The following PTPN2 variants were observed in gnomAD, a reference collection of about 807,000 sequenced individuals.
The protein encoded by PTPN2 is protein tyrosine phosphatase non-receptor type 2.
In PTPN2, 19 loss-of-function variants were observed where a neutral mutation model predicts 57.3. That is an observed-to-expected ratio of 0.33 (90% CI 0.23 to 0.49). PTPN2 has a LOEUF of 0.49. Ranked by LOEUF, PTPN2 falls within the 20% of genes least tolerant of loss-of-function variation. The probability of loss-of-function intolerance (pLI) is 0.99; values close to 1 mark genes in which losing one functional copy is unlikely to be tolerated. For missense variants in PTPN2, 358 were observed against 501.1 expected, an observed-to-expected ratio of 0.71 and a Z score of 2.73; for synonymous variants, 153 against 164.9, an observed-to-expected ratio of 0.93 and a Z score of 0.55.
At chr18:12,803,110 T>C (rs2041490953) in intron 7 of PTPN2, among the ~76,000 whole-genome samples, 1 of 152,026 alleles carries the variant, frequency 6.6e-6, no homozygotes, top group Non-Finnish European at 1.5e-5. Flanking sequence ...TTATAAGTTG[T>C]GGGGGGAGGG....
At chr18:12,843,055 G>A (rs1390441204) in intron 2 of PTPN2, among the ~76,000 whole-genome samples, 2 of 152,154 alleles carry the variant, frequency 1.3e-5, no homozygotes, top group African/African-American at 2.4e-5. Flanking sequence ...ATTTTGCGAC[G>A]CAGATGAAAA....
chr18:12,829,589 A>G (rs1296501559), intron 4 of PTPN2, among the ~76,000 whole-genome samples: 2 of 152,080 alleles, frequency 1.3e-5, no homozygotes, highest in African/African-American at 2.4e-5. Context: ...GATCAAAAAT[A>G]AGGAAAATAA....
At chr18:12,849,954 A>C (rs773844042) in intron 2 of PTPN2, among the ~76,000 whole-genome samples, 12 of 151,676 alleles carry the variant, frequency 7.9e-5, no homozygotes, top group Admixed American at 3.3e-4. Context: ...TTATGTGCCC[A>C]CTCTTTCTCC....
chr18:12,805,820 G>A (rs1203481266), intron 7 of PTPN2, among the ~76,000 whole-genome samples: 1 of 152,006 alleles, frequency 6.6e-6, no homozygotes, highest in Non-Finnish European at 1.5e-5. Flanking sequence ...AGTAGAGGCA[G>A]AGTTTCACCA....
At chr18:12,789,789 T>A (rs1057211989), downstream of PTPN2, among the ~76,000 whole-genome samples, 35 of 152,196 alleles carry the variant, frequency 2.3e-4, no homozygotes, top group Admixed American at 3.9e-4. Flanking sequence ...ACTACATTTT[T>A]AAAAAACATA....
In PTPN2 at chr18:12,848,731, A is replaced by T. The variant is rs1340986331; in HGVS notation, c.160+10433T>A. Among the ~76,000 whole-genome samples, 3 of 152,370 alleles carry T rather than the reference A, an allele frequency of 2.0e-5. No individual in the cohort carries two copies. The East Asian group carries it at 5.8e-4, about 29-fold the overall frequency. ...AAAAGACCTTGAGCAAGAATCACCT[A>T]TGTGGGGTTAGTCAACCCCTAGATT... is the stretch of plus-strand genomic sequence containing the variant. On this transcript the variant is annotated intron_variant, in intron 2 of 8. Transcript: ENST00000309660.
chr18:12,874,671 C>T (rs1353075971), intron 1 of PTPN2, among the ~76,000 whole-genome samples: 4 of 149,198 alleles, frequency 2.7e-5, no homozygotes, highest in Admixed American at 6.6e-5. Context: ...CCGCCCCGTC[C>T]GGGAGGGAGG....
chr18:12,855,939 A>G (rs1370136034), intron 2 of PTPN2, among the ~76,000 whole-genome samples: 1 of 152,246 alleles, frequency 6.6e-6, no homozygotes, highest in Non-Finnish European at 1.5e-5. Context: ...CCAACTTCAC[A>G]ATACATGAAA....
chr18:12,819,385 A>G, intron 5 of PTPN2: 1 of 567,454 alleles, frequency 1.8e-6, no homozygotes, highest in Non-Finnish European at 3.0e-6. Flanking sequence ...GAACAAAGCC[A>G]GACTAAAGGC....
At chr18:12,786,083 CTT>C in intron 9 of PTPN2, 1 of 512,668 alleles carries the variant, frequency 2.0e-6, no homozygotes, top group Non-Finnish European at 3.4e-6. Flanking sequence ...AGCATCGTGA[CTT>C]ATATTCTTCT....
At chr18:12,865,764 T>C (rs113975333) in intron 1 of PTPN2, among the ~76,000 whole-genome samples, 7,861 of 151,080 alleles carry the variant, frequency 0.052, 671 homozygotes, top group African/African-American at 0.18. Flanking sequence ...GAGGCGGAGG[T>C]TGCAGTGAGC....
At chr18:12,874,097 A>T (rs2145527007) in intron 1 of PTPN2, among the ~76,000 whole-genome samples, 1 of 148,132 alleles carries the variant, frequency 6.8e-6, no homozygotes, top group Non-Finnish European at 1.5e-5. Context: ...CCCGGCAGCC[A>T]CCCTGTCTGG....
intron 7 of PTPN2, among the ~76,000 whole-genome samples, chr18:12,808,797 A>C (rs1177250851): frequency 6.6e-6 from 1 of 152,244 alleles, no homozygotes; most frequent in Non-Finnish European, 1.5e-5. Flanking sequence ...ACCAACCAAC[A>C]GACAAAAAAA....
intron 7 of PTPN2, among the ~76,000 whole-genome samples, chr18:12,807,586 A>AAAAAAAAAAAAAAATATAT: frequency 1.1e-4 from 4 of 35,192 alleles, no homozygotes; most frequent in East Asian, 1.4e-3. Flanking sequence ...AAAAAAAAAA[A>AAAAAAAAAAAAAAATATAT]ATATATATAT....
intron 2 of PTPN2, among the ~76,000 whole-genome samples, chr18:12,857,489 CA>C (rs1181729069): frequency 6.6e-6 from 1 of 152,180 alleles, no homozygotes; most frequent in Non-Finnish European, 1.5e-5. Flanking sequence ...TATTATTTCT[CA>C]ACTGCATCCA....
At chr18:12,840,704 A>G (rs767467395) in intron 2 of PTPN2, 1 of 1,598,026 alleles carries the variant, frequency 6.3e-7, no homozygotes, top group African/African-American at 1.3e-5. Flanking sequence ...TGTGCAATTT[A>G]AGAGATTACC....
chr18:12,841,095 T>C (rs2043028508), intron 2 of PTPN2: 2 of 875,756 alleles, frequency 2.3e-6, no homozygotes, highest in African/African-American at 3.4e-5. Flanking sequence ...CTCTGAGTAC[T>C]GATACTTTAT....
intron 4 of PTPN2, among the ~76,000 whole-genome samples, chr18:12,827,498 G>A (rs1265951697): frequency 6.6e-6 from 1 of 151,604 alleles, no homozygotes; most frequent in Admixed American, 6.6e-5. Context: ...CTGGGCTCAA[G>A]CAATCCCCCA....
chr18:12,805,022 T>C (rs2041588585), intron 7 of PTPN2, among the ~76,000 whole-genome samples: 1 of 152,176 alleles, frequency 6.6e-6, no homozygotes, highest in Non-Finnish European at 1.5e-5. Context: ...TCATTTACCA[T>C]GACCAAGTGG....
Sources: allele counts gnomAD v4.1 joint callset (sites outside exome capture counted in the v4.1 genomes callset), GRCh38; gene constraint gnomAD v4.1.1; transcripts MANE v1.5; gene names NCBI Gene and HGNC (gene_info 2026-07-23, HGNC 2026-07-21).